The following NRXN1 variants were observed in gnomAD, a reference collection of about 807,000 sequenced individuals.
The protein encoded by NRXN1 is neurexin-1.
NRXN1 carries 39 observed loss-of-function variants against 150.9 expected under a neutral mutation model. The ratio of observed to expected loss-of-function variants is 0.26; its 90% CI spans 0.20 to 0.34. NRXN1 has a LOEUF of 0.34. Among genes scored for constraint, NRXN1 ranks in the 10% least tolerant of loss-of-function variants. The probability of loss-of-function intolerance (pLI) is 1.00; values close to 1 mark genes in which losing one functional copy is unlikely to be tolerated. For missense variants in NRXN1, 1,815 were observed against 1,949.9 expected, an observed-to-expected ratio of 0.93 and a Z score of 1.30; for synonymous variants, 924 against 757.0, an observed-to-expected ratio of 1.22 and a Z score of -3.62.
chr2:50,029,736 C>G (rs1688907516), intron 21 of NRXN1, among the ~76,000 whole-genome samples: 1 of 152,126 alleles, frequency 6.6e-6, no homozygotes, highest in South Asian at 2.1e-4. Context: ...GTGGCCCAAG[C>G]AGACTAAGTC....
In NRXN1 at chr2:50,236,563, A is replaced by G. The variant is rs1618655; in HGVS notation, c.3546+226T>C. Among the ~76,000 whole-genome samples the G allele has an allele frequency of 0.19, 26,769 of 144,602 alleles. 3,210 individuals carry two copies. The highest frequency in any genetic ancestry group is 0.26 in the Middle Eastern group (71 of 278). The allele number at this position is 144,602 out of a possible 152,430, so 94.9% of individuals were successfully genotyped here. A position where few individuals can be genotyped will look rare whatever the true frequency, so the allele number is the denominator to read the frequency against. ...AAATTATTTTGAACACAGAATTAAGAGGAATTCACACTCCAAAAAAAAAAA... is the reference window on the plus strand; with the variant it reads ...AAATTATTTTGAACACAGAATTAAGGGGAATTCACACTCCAAAAAAAAAAA... On this transcript the variant is annotated intron_variant, in intron 18 of 22. Transcript: ENST00000401669.
chr2:50,100,755 T>A (rs1700871547), intron 18 of NRXN1, among the ~76,000 whole-genome samples: 1 of 152,100 alleles, frequency 6.6e-6, no homozygotes, highest in Admixed American at 6.6e-5. Context: ...ATTGAGATAA[T>A]TAATTCTGTA....
At chr2:50,267,439 A>C (rs1049091558) in intron 17 of NRXN1, among the ~76,000 whole-genome samples, 2 of 152,218 alleles carry the variant, frequency 1.3e-5, no homozygotes, top group African/African-American at 4.8e-5. Context: ...TCATTTCAAT[A>C]ATGCCACAAT....
At chr2:51,017,471 G>GACTACAAT (rs1375844182) in intron 2 of NRXN1, among the ~76,000 whole-genome samples, 1 of 137,516 alleles carries the variant, frequency 7.3e-6, no homozygotes, top group Non-Finnish European at 1.5e-5. Flanking sequence ...GACTAGCTGG[G>GACTACAAT]ACTACAATAC....
At chr2:50,812,771 C>A (rs1324212524) in intron 5 of NRXN1, among the ~76,000 whole-genome samples, 1 of 143,536 alleles carries the variant, frequency 7.0e-6, no homozygotes, top group African/African-American at 2.6e-5. Flanking sequence ...TGAAATTTAG[C>A]TATAAACTTT....
chr2:50,485,078 T>C (rs2090767914), intron 15 of NRXN1, among the ~76,000 whole-genome samples: 1 of 152,230 alleles, frequency 6.6e-6, no homozygotes, highest in Non-Finnish European at 1.5e-5. Context: ...CACTTAAGCC[T>C]TCCAAGTCTC....
intron 5 of NRXN1, among the ~76,000 whole-genome samples, chr2:50,691,463 TA>T: frequency 6.6e-6 from 1 of 152,336 alleles, no homozygotes; most frequent in East Asian, 1.9e-4. Flanking sequence ...AAGAAATTTT[TA>T]AAACTCTTCA....
chr2:50,491,322 G>A (rs2091240674), intron 15 of NRXN1, among the ~76,000 whole-genome samples: 1 of 152,136 alleles, frequency 6.6e-6, no homozygotes, highest in Non-Finnish European at 1.5e-5. Context: ...AATAGCAACT[G>A]GTCAGAGATC....
intron 2 of NRXN1, among the ~76,000 whole-genome samples, chr2:50,947,055 A>C (rs1009812950): frequency 6.6e-6 from 1 of 152,164 alleles, no homozygotes; most frequent in African/African-American, 2.4e-5. Flanking sequence ...GGAATAGCTA[A>C]GTAATGATTT....
At chr2:50,737,335 C>T (rs1649298722) in intron 5 of NRXN1, among the ~76,000 whole-genome samples, 1 of 152,092 alleles carries the variant, frequency 6.6e-6, no homozygotes, top group African/African-American at 2.4e-5. Context: ...CATAATGCCC[C>T]AAGACCAATA....
chr2:50,496,146 T>A, intron 14 of NRXN1, 51 bp from the exon 15 acceptor site: 1 of 1,433,464 alleles, frequency 7.0e-7, no homozygotes, highest in South Asian at 1.2e-5. Context: ...TAAATTTTGA[T>A]GAACCTAAAG....
intron 17 of NRXN1, among the ~76,000 whole-genome samples, chr2:50,401,641 T>A (rs2082398980): frequency 2.0e-5 from 3 of 152,084 alleles, no homozygotes; most frequent in African/African-American, 7.2e-5. Flanking sequence ...TAATAGCTAA[T>A]GGCAAACAAA....
intron 17 of NRXN1, among the ~76,000 whole-genome samples, chr2:50,254,217 A>G (rs1189912300): frequency 6.6e-6 from 1 of 151,652 alleles, no homozygotes; most frequent in Non-Finnish European, 1.5e-5. Context: ...TGTTTATAGT[A>G]TACTCTGATG....
Position 50,236,946 on chromosome 2 carries a change from T to C in NRXN1, c.3389A>G (p.Lys1130Arg), listed in dbSNP as rs2152879482. The C allele has an allele frequency of 6.2e-7, 1 of 1,613,286 alleles. No individual in the cohort carries two copies. The highest frequency in any genetic ancestry group is 1.7e-5 in the Admixed American group (1 of 59,908). The change falls in exon 18 of 23, where the codon AAA (lysine) becomes AGA (arginine). Residue 1130 changes from lysine (K) to arginine (R), a missense_variant. By Grantham distance (26) the Lys-to-Arg change is conservative. Around this residue, in one of 6 missense-constraint regions of NRXN1, gnomAD observed 339 missense variants for 440.3 expected, o/e 0.77. Coordinates refer to ENST00000401669, the MANE Select transcript of NRXN1 (RefSeq NM_001330078.2). ...NDPGTTYIFSKGGGQITYKWP... is the reference protein window; with the variant it reads ...NDPGTTYIFSRGGGQITYKWP... Reference sequence around the variant, plus strand: ...CTTATACGTGATTTGTCCACCACCTTTGCTAAAGATATATGTCGTCCCAGC... The same window carrying C: ...CTTATACGTGATTTGTCCACCACCTCTGCTAAAGATATATGTCGTCCCAGC...
At chr2:50,158,831 G>C (rs2059187898) in intron 18 of NRXN1, among the ~76,000 whole-genome samples, 2 of 152,056 alleles carry the variant, frequency 1.3e-5, no homozygotes, top group Admixed American at 6.6e-5. Context: ...TTAAAAGATA[G>C]ACATTTTTGA....
chr2:50,833,223 T>C (rs1035897084), intron 5 of NRXN1, among the ~76,000 whole-genome samples: 3 of 152,196 alleles, frequency 2.0e-5, no homozygotes, highest in African/African-American at 7.2e-5. Flanking sequence ...TCTAACACAT[T>C]GCTGGTGAGA....
chr2:50,246,518 A>G (rs1178561825), intron 17 of NRXN1, among the ~76,000 whole-genome samples: 4 of 152,038 alleles, frequency 2.6e-5, no homozygotes, highest in African/African-American at 9.7e-5. Flanking sequence ...CTTCCTGCCT[A>G]TCTGCTATAC....
intron 17 of NRXN1, among the ~76,000 whole-genome samples, chr2:50,334,209 A>ATGTATGTATG (rs1553458099): frequency 2.5e-5 from 3 of 121,438 alleles, no homozygotes; most frequent in South Asian, 5.1e-4. Context: ...ATATATATAT[A>ATGTATGTATG]TATGTATGTA....
intron 18 of NRXN1, among the ~76,000 whole-genome samples, chr2:50,219,927 TTA>T (rs1216658249): frequency 1.4e-5 from 1 of 72,476 alleles, no homozygotes; most frequent in Non-Finnish European, 2.4e-5. Context: ...TCTCTCTATA[TTA>T]TATATATTAT....
Sources: gnomAD v4.1 joint callset for allele counts (sites outside exome capture counted in the v4.1 genomes callset) on GRCh38, gnomAD v4.1.1 for gene constraint, gnomAD v4.1.1 regional missense constraint, MANE v1.5 for transcripts, NCBI Gene and HGNC (gene_info 2026-07-23, HGNC 2026-07-21) for gene names.